RAI1: variants seen among roughly 807,000 people sequenced by gnomAD.
The protein encoded by RAI1 is retinoic acid induced 1, also known as retinoic acid-induced protein 1.
Under a neutral mutation model 123.8 loss-of-function variants are expected in RAI1, and 9 were observed. That is an observed-to-expected ratio of 0.07 (90% CI 0.04 to 0.13). RAI1 has a LOEUF of 0.13. Ranked by LOEUF, RAI1 falls within the 10% of genes least tolerant of loss-of-function variation. RAI1 has a pLI of 1.00. For synonymous variants in RAI1, 1,231 were observed against 1,127.3 expected, an observed-to-expected ratio of 1.09 and a Z score of -1.84; for missense variants, 2,256 against 2,545.8, an observed-to-expected ratio of 0.89 and a Z score of 2.45.
In RAI1 at chr17:17,809,935, G is replaced by A. The variant is rs987683826; in HGVS notation, c.5710-35G>A. On this transcript the variant is annotated intron_variant, in intron 5 of 5. Transcript: ENST00000353383. This position sits in a 1 kb window ranked among gnomAD's most constrained non-coding sequence, Gnocchi z 4.9. Reference sequence around the variant, plus strand: ...GGGCCTATGGACTGTGAAGTCCGAGGTCGTCGGTAACTGGCGGGCGGGCGT... The same window carrying A: ...GGGCCTATGGACTGTGAAGTCCGAGATCGTCGGTAACTGGCGGGCGGGCGT... 11 of 1,559,692 alleles carry A rather than the reference G, an allele frequency of 7.1e-6. No homozygotes were observed. The highest frequency in any genetic ancestry group is 1.4e-5 in the African/African-American group (1 of 73,552).
chr17:17,752,726 A>C (rs2030256813), intron 2 of RAI1, among the ~76,000 whole-genome samples: 1 of 152,166 alleles, frequency 6.6e-6, no homozygotes, highest in African/African-American at 2.4e-5. Flanking sequence ...TCACCACCAC[A>C]GGGCCTTTGC....
At position 17,810,915 on chromosome 17, in the gene RAI1, A is replaced by T. The variant is rs2143007431; in HGVS notation, c.*934A>T. ...ACAAAACCTGTGTACCCCTCTATAT[A>T]TATGTTACATAGAATGTATATATGT... is the stretch of plus-strand genomic sequence containing the variant. On this transcript the variant is annotated 3_prime_UTR_variant, in exon 6 of 6. Coordinates refer to ENST00000353383, the MANE Select transcript of RAI1 (RefSeq NM_030665.4). This position sits in a 1 kb window ranked among gnomAD's most constrained non-coding sequence, Gnocchi z 4.6. 2.6e-6 allele frequency: 1 copy of T among 387,410 alleles called. No individual in the cohort carries two copies. Among genetic ancestry groups the T allele is most frequent in the Non-Finnish European group, 5.4e-6 (1 of 186,876 alleles). 24.0% of individuals were successfully genotyped at this position (387,410 alleles called of 1,614,324 possible).
chr17:17,752,258 T>C (rs1343734453), intron 2 of RAI1, among the ~76,000 whole-genome samples: 1 of 152,196 alleles, frequency 6.6e-6, no homozygotes, highest in African/African-American at 2.4e-5. Flanking sequence ...TACTCGTATT[T>C]CCTGCCTTTT....
chr17:17,748,748 C>T (rs2030028685), intron 2 of RAI1, among the ~76,000 whole-genome samples: 1 of 152,102 alleles, frequency 6.6e-6, no homozygotes, highest in South Asian at 2.1e-4. Flanking sequence ...TGGAGGGCTG[C>T]AGGGCTTGGT....
At chr17:17,695,208 G>A (rs1914981374) in intron 1 of RAI1, among the ~76,000 whole-genome samples, 1 of 152,036 alleles carries the variant, frequency 6.6e-6, no homozygotes, top group Admixed American at 6.5e-5. Flanking sequence ...CCATGGGTCA[G>A]TGAGGACCTA....
At position 17,794,314 on chromosome 17, in the gene RAI1, A is replaced by G; in HGVS notation, c.1366A>G (p.Lys456Glu). 1 of 1,613,098 alleles carries G rather than the reference A, an allele frequency of 6.2e-7. No homozygotes were observed. The highest frequency in any genetic ancestry group is 8.5e-7 in the Non-Finnish European group (1 of 1,180,002). Residue 456 changes from lysine to glutamate, a missense_variant, in exon 3 of 6, where the codon AAG (lysine) becomes GAG (glutamate). By Grantham distance (56) the Lys-to-Glu change is moderately conservative. Transcript: ENST00000353383. ...SNTVQQLLLSKAAVPQKKGVK... is the reference protein window; with the variant it reads ...SNTVQQLLLSEAAVPQKKGVK... ...CACCGTCCAGCAGCTGCTGCTCTCC[A>G]AGGCTGCTGTGCCGCAGAAGAAAGG... is the stretch of plus-strand genomic sequence containing the variant.
At chr17:17,802,693 G>A (rs572128039) in intron 3 of RAI1, among the ~76,000 whole-genome samples, 3 of 151,890 alleles carry the variant, frequency 2.0e-5, no homozygotes, top group African/African-American at 7.2e-5. Flanking sequence ...GGAGAATGGC[G>A]TGAACCCGGG....
At chr17:17,804,142 A>C (rs977060687) in intron 4 of RAI1, 3 of 469,852 alleles carry the variant, frequency 6.4e-6, no homozygotes, top group Non-Finnish European at 1.2e-5. Flanking sequence ...CATCATTGCC[A>C]AGGGGCAGGG....
At chr17:17,808,916 C>G (rs190828305) in intron 4 of RAI1, among the ~76,000 whole-genome samples, 5 of 152,334 alleles carry the variant, frequency 3.3e-5, no homozygotes, top group Admixed American at 6.5e-5. Context: ...GACATGCTCA[C>G]TGGAAGTTAG....
chr17:17,776,347 A>AT (rs2031341713), intron 2 of RAI1, among the ~76,000 whole-genome samples: 1 of 152,092 alleles, frequency 6.6e-6, no homozygotes, highest in Non-Finnish European at 1.5e-5. Context: ...TTCAAATGCA[A>AT]TTTCCTTTTT....
In RAI1 at chr17:17,721,780, A is replaced by G. The variant is rs576906512; in HGVS notation, c.-148-2248A>G. On this transcript the variant is annotated intron_variant, in intron 1 of 5. Transcript: ENST00000353383. ...GGTCCCCAAGACAGATATTGAAGACAGAGACTAAGCAGTCTGACATTTTAA... is the reference window on the plus strand; with the variant it reads ...GGTCCCCAAGACAGATATTGAAGACGGAGACTAAGCAGTCTGACATTTTAA... 9.2e-5 allele frequency among the ~76,000 whole-genome samples: 14 copies of G among 152,234 alleles called. No homozygotes were observed. The South Asian group carries it at 2.9e-3, about 32-fold the overall frequency.
chr17:17,690,789 T>G (rs569160084), intron 1 of RAI1, among the ~76,000 whole-genome samples: 73 of 152,292 alleles, frequency 4.8e-4, no homozygotes, highest in Non-Finnish European at 7.3e-4. Context: ...GACAAAGAAT[T>G]GTTACAGCAG....
chr17:17,697,667 T>TTG (rs1296405787), intron 1 of RAI1, among the ~76,000 whole-genome samples: 1 of 152,036 alleles, frequency 6.6e-6, no homozygotes, highest in Admixed American at 6.6e-5. Context: ...AGCTTGGGGA[T>TTG]TGTGTGTGTG....
chr17:17,686,970 A>G (rs1178684179), intron 1 of RAI1, among the ~76,000 whole-genome samples: 1 of 152,074 alleles, frequency 6.6e-6, no homozygotes, highest in Non-Finnish European at 1.5e-5. Context: ...GGGCCAGGTG[A>G]ACAATGAGCA....
At chr17:17,717,092 T>A (rs902646318) in intron 1 of RAI1, among the ~76,000 whole-genome samples, 5 of 152,016 alleles carry the variant, frequency 3.3e-5, no homozygotes, top group African/African-American at 7.3e-5. Flanking sequence ...GTTGCTGGGA[T>A]TGGGGAGGGA....
At position 17,716,457 on chromosome 17, in the gene RAI1, A is replaced by T. The variant is rs115689273; in HGVS notation, c.-148-7571A>T. On this transcript the variant is annotated intron_variant, in intron 1 of 5. Transcript: ENST00000353383. The stretch of plus-strand genomic sequence containing the variant: ...GTGTGTATGTCTATATGATTGCATG[A>T]GTGTGTGTACACACAGATGTATATG... 2.9e-3 allele frequency among the ~76,000 whole-genome samples: 444 copies of T among 152,280 alleles called. 2 individuals are homozygous for T. Among genetic ancestry groups the T allele is most frequent in the African/African-American group, 0.01 (432 of 41,536 alleles).
chr17:17,792,316 C>T (rs968748443), intron 2 of RAI1, among the ~76,000 whole-genome samples: 22 of 150,832 alleles, frequency 1.5e-4, no homozygotes, highest in Non-Finnish European at 3.3e-4. Context: ...TGTGTGCATG[C>T]GTGTGTGTGT....
Position 17,794,016 on chromosome 17 carries a change from C to T in RAI1, c.1068C>T (p.Tyr356=). ...PARSVGRSPS[Y]SSTPSPLMPN... is the part of the protein sequence containing the mutation. ...GCTCCGTGGGCCGCTCACCTTCCTA[C>T]AGTTCCACACCGTCGCCGCTGATGC... The change falls in exon 3 of 6, where the codon TAC becomes TAT. Residue 356 remains tyrosine, a synonymous_variant. Transcript: ENST00000353383. 1.9e-6 allele frequency: 3 copies of T among 1,613,970 alleles called. No homozygotes were observed. The highest frequency in any genetic ancestry group is 2.5e-6 in the Non-Finnish European group (3 of 1,180,016).
chr17:17,729,586 T>C (rs1256307722), intron 2 of RAI1, among the ~76,000 whole-genome samples: 1 of 152,134 alleles, frequency 6.6e-6, no homozygotes, highest in Non-Finnish European at 1.5e-5. Context: ...CTTTGTATAA[T>C]GGGGATGATA....
Sources: gnomAD v4.1 joint callset for allele counts (sites outside exome capture counted in the v4.1 genomes callset) on GRCh38, gnomAD v4.1.1 for gene constraint, Gnocchi (gnomAD v3.1) non-coding constraint, MANE v1.5 for transcripts, NCBI Gene and HGNC (gene_info 2026-07-23, HGNC 2026-07-21) for gene names.